WWOX: variants seen among roughly 807,000 people sequenced by gnomAD.
The protein encoded by WWOX is WW domain-containing oxidoreductase.
A neutral mutation model predicts 46.2 loss-of-function variants in WWOX; 69 were observed. The observed-to-expected ratio is 1.49, with a 90% CI of 1.23 to 1.82. The LOEUF (loss-of-function observed/expected upper bound fraction) is 1.82. Among genes scored for constraint, WWOX ranks in the 40% most tolerant of loss-of-function variants. The probability of loss-of-function intolerance (pLI) is 0.00; values close to 1 mark genes in which losing one functional copy is unlikely to be tolerated. For synonymous variants in WWOX, 359 were observed against 202.6 expected (o/e 1.77, Z -6.56); for missense variants, 919 against 542.6 (o/e 1.69, Z -6.89).
chr16:78,919,142 C>T (rs1055688459), intron 8 of WWOX, among the ~76,000 whole-genome samples: 10 of 152,096 alleles, frequency 6.6e-5, no homozygotes, highest in Admixed American at 2.0e-4. Flanking sequence ...GAACAATGAC[C>T]GCAATAACCA....
At chr16:78,437,500 C>G (rs918141226) in intron 8 of WWOX, among the ~76,000 whole-genome samples, 1 of 152,130 alleles carries the variant, frequency 6.6e-6, no homozygotes, top group African/African-American at 2.4e-5. Flanking sequence ...ATATAATAAT[C>G]ACTAATGAGA....
At chr16:78,603,317 A>C (rs2045667792) in intron 8 of WWOX, among the ~76,000 whole-genome samples, 1 of 152,242 alleles carries the variant, frequency 6.6e-6, no homozygotes, top group African/African-American at 2.4e-5. Flanking sequence ...TCTCACCAGC[A>C]TCAACTGCAC....
intron 8 of WWOX, among the ~76,000 whole-genome samples, chr16:78,915,529 A>C (rs959496058): frequency 6.6e-6 from 1 of 152,316 alleles, no homozygotes; most frequent in Admixed American, 6.5e-5. Context: ...CAATGAGCCA[A>C]ATGTTAGCAG....
At chr16:78,982,670 A>C (rs1022006587) in intron 8 of WWOX, among the ~76,000 whole-genome samples, 3 of 152,218 alleles carry the variant, frequency 2.0e-5, no homozygotes, top group Non-Finnish European at 2.9e-5. Flanking sequence ...GAGGACTGTT[A>C]ATATTTTAGA....
At chr16:78,969,435 C>A (rs573225028) in intron 8 of WWOX, among the ~76,000 whole-genome samples, 349 of 152,142 alleles carry the variant, frequency 2.3e-3, no homozygotes, top group African/African-American at 7.9e-3. Flanking sequence ...CCATGCCCAG[C>A]TAATTTTGTA....
Position 78,830,662 on chromosome 16 carries a change from A to G in WWOX, c.1057-380946A>G, listed in dbSNP as rs560086594. On this transcript the variant is annotated intron_variant, in intron 8 of 8. Coordinates refer to ENST00000566780, the MANE Select transcript of WWOX (RefSeq NM_016373.4). Reference sequence around the variant, plus strand: ...TCTATTTTCCTAACAAAATTTCTGCAGCACCGATTGGGGCTGACAGGTACG... The same window carrying G: ...TCTATTTTCCTAACAAAATTTCTGCGGCACCGATTGGGGCTGACAGGTACG... 6.3e-4 allele frequency among the ~76,000 whole-genome samples: 96 copies of G among 152,018 alleles called. 1 individual carries two copies. Among genetic ancestry groups the G allele is most frequent in the Middle Eastern group, 3.4e-3 (1 of 294 alleles).
Position 79,211,971 on chromosome 16 carries a change from C to CCTGGGGTAAAGTATCACTT in WWOX, c.*176_*194dup. The CCTGGGGTAAAGTATCACTT allele has an allele frequency of 6.5e-7, 1 of 1,532,756 alleles. No homozygotes were observed. The highest frequency in any genetic ancestry group is 8.7e-7 in the Non-Finnish European group (1 of 1,145,878). The allele number at this position is 1,532,756 out of a possible 1,614,324, so 94.9% of individuals were successfully genotyped here. On this transcript the variant is annotated 3_prime_UTR_variant, in exon 9 of 9. Coordinates refer to ENST00000566780, the MANE Select transcript of WWOX (RefSeq NM_016373.4). ...AAGTACCAATGGGAAGCAGGGAATT[C>CCTGGGGTAAAGTATCACTT]CTGGGGTAAAGTATCACTTTTCTGG...
intron 8 of WWOX, among the ~76,000 whole-genome samples, chr16:79,076,176 C>T (rs2048652748): frequency 6.6e-6 from 1 of 152,212 alleles, no homozygotes; most frequent in African/African-American, 2.4e-5. Flanking sequence ...CACATCCCAT[C>T]TTCATATCAG....
intron 8 of WWOX, among the ~76,000 whole-genome samples, chr16:78,524,821 T>G (rs914130116): frequency 3.2e-4 from 2 of 6,170 alleles, no homozygotes; most frequent in Admixed American, 3.9e-3. Flanking sequence ...TTTTTATGGG[T>G]TTTTTTTTTT....
intron 8 of WWOX, among the ~76,000 whole-genome samples, chr16:78,735,702 G>A (rs1160129020): frequency 6.6e-6 from 1 of 152,140 alleles, no homozygotes; most frequent in African/African-American, 2.4e-5. Context: ...GTGATGCCTG[G>A]CTCAAGTACT....
chr16:78,354,699 T>C (rs2081249708), intron 5 of WWOX, among the ~76,000 whole-genome samples: 1 of 88,544 alleles, frequency 1.1e-5, no homozygotes, highest in Non-Finnish European at 2.5e-5. Flanking sequence ...ATTCTTAAAC[T>C]AGGTAAACTG....
Position 78,345,524 on chromosome 16 carries a change from G to C in WWOX, c.517-41336G>C, listed in dbSNP as rs1202235106. Among the ~76,000 whole-genome samples, 7 of 69,668 alleles carry C rather than the reference G, an allele frequency of 1.0e-4. No individual in the cohort carries two copies. The East Asian group carries it at 1.8e-3, about 18-fold the overall frequency. 45.7% of individuals were successfully genotyped at this position (69,668 alleles called of 152,430 possible). ...AGTCGGGTGTAATGGCACACCTGTAGTCCCATCTACTCGGGAGGCTGAGGT... is the reference window on the plus strand; with the variant it reads ...AGTCGGGTGTAATGGCACACCTGTACTCCCATCTACTCGGGAGGCTGAGGT... On this transcript the variant is annotated intron_variant, in intron 5 of 8. Transcript: ENST00000566780.
intron 8 of WWOX, among the ~76,000 whole-genome samples, chr16:78,649,466 G>C (rs1396598924): frequency 1.3e-5 from 2 of 151,878 alleles, no homozygotes; most frequent in African/African-American, 4.8e-5. Flanking sequence ...AAAAAATGGT[G>C]GGGTATTACT....
intron 8 of WWOX, among the ~76,000 whole-genome samples, chr16:78,540,867 T>C (rs572922465): frequency 5.5e-4 from 84 of 152,206 alleles, no homozygotes; most frequent in Non-Finnish European, 1.1e-3. Context: ...AAAATTTTTC[T>C]TAGAGGTAGA....
intron 8 of WWOX, among the ~76,000 whole-genome samples, chr16:78,931,580 G>T (rs761723727): frequency 2.0e-5 from 3 of 152,238 alleles, no homozygotes; most frequent in Non-Finnish European, 4.4e-5. Flanking sequence ...TTGACCTTGA[G>T]AAACCTATAG....
Position 78,358,843 on chromosome 16 carries a change from T to C in WWOX, c.517-28017T>C, listed in dbSNP as rs183780273. Among the ~76,000 whole-genome samples the C allele has an allele frequency of 2.5e-3, 368 of 149,272 alleles. 2 individuals carry two copies. Among genetic ancestry groups the C allele is most frequent in the African/African-American group, 8.9e-3 (359 of 40,444 alleles). On this transcript the variant is annotated intron_variant, in intron 5 of 8. Transcript: ENST00000566780. ...CTTTTTAAAATTCAAATATATTTCA[T>C]AAAGTTGAAATCACACTGTGGTCTT...
intron 8 of WWOX, among the ~76,000 whole-genome samples, chr16:78,795,662 T>G (rs1305345008): frequency 2.6e-5 from 4 of 152,208 alleles, no homozygotes; most frequent in East Asian, 1.9e-4. Flanking sequence ...TTTTATTTTT[T>G]TATTAACATA....
chr16:78,456,880 G>A (rs1462213582), intron 8 of WWOX, among the ~76,000 whole-genome samples: 1 of 152,204 alleles, frequency 6.6e-6, no homozygotes, highest in African/African-American at 2.4e-5. Flanking sequence ...TCAGATGATG[G>A]AACTATCAAA....
At chr16:78,566,953 A>G (rs559758478) in intron 8 of WWOX, among the ~76,000 whole-genome samples, 2 of 152,348 alleles carry the variant, frequency 1.3e-5, no homozygotes, top group East Asian at 3.9e-4. Context: ...AGTAATTAAA[A>G]TGGAAGCAAC....
Sources: allele counts gnomAD v4.1 joint callset (sites outside exome capture counted in the v4.1 genomes callset), GRCh38; gene constraint gnomAD v4.1.1; transcripts MANE v1.5; gene names NCBI Gene and HGNC (gene_info 2026-07-23, HGNC 2026-07-21).